RPUSD4: variants seen among roughly 807,000 people sequenced by gnomAD.
RPUSD4 encodes RNA pseudouridine synthase D4, also known as pseudouridylate synthase RPUSD4, mitochondrial.
Under a neutral mutation model 35.4 loss-of-function variants are expected in RPUSD4, and 37 were observed. That is an observed-to-expected ratio of 1.04 (90% CI 0.80 to 1.37). The LOEUF (loss-of-function observed/expected upper bound fraction) is 1.37. Ranked by LOEUF, RPUSD4 falls within the 40% of genes most tolerant of loss-of-function variation. The pLI, the probability that RPUSD4 is intolerant of heterozygous loss-of-function variation, is 0.00. For missense variants in RPUSD4, 507 were observed against 484.9 expected (o/e 1.05, Z -0.43); for synonymous variants, 210 against 192.7 (o/e 1.09, Z -0.74).
intron 1 of RPUSD4, 74 bp downstream of exon 1, chr11:126,211,376 C>G (rs1481668877): frequency 2.0e-6 from 3 of 1,469,930 alleles, no homozygotes; most frequent in Non-Finnish European, 2.8e-6. Flanking sequence ...CTCAGAGGAC[C>G]CTCCTACCTA....
intron 6 of RPUSD4, among the ~76,000 whole-genome samples, 170 bp from the exon 7 acceptor site, chr11:126,203,827 T>C (rs1340307993): frequency 2.0e-5 from 3 of 152,008 alleles, no homozygotes; most frequent in African/African-American, 7.3e-5. Flanking sequence ...AGAACTCAGG[T>C]AAGGGAAAAA....
intron 2 of RPUSD4, among the ~76,000 whole-genome samples, chr11:126,210,520 T>TACATACATACACACACACACCC (rs746246254): frequency 1.7e-5 from 1 of 60,254 alleles, no homozygotes. Flanking sequence ...CCAACATACA[T>TACATACATACACACACACACCC]ACACACACAC....
chr11:126,205,678 G>A lies in RPUSD4; in HGVS notation c.651+10C>T. On this transcript the variant is annotated intron_variant, in intron 4 of 6. Coordinates refer to ENST00000298317, the MANE Select transcript of RPUSD4 (RefSeq NM_032795.3). Reference sequence around the variant, plus strand: ...CAGCAACCCATGCCTCAGGGAGGCTGCTCGCTCACCTTGTGGTGTTGCTGC... The same window carrying A: ...CAGCAACCCATGCCTCAGGGAGGCTACTCGCTCACCTTGTGGTGTTGCTGC... 1 of 1,612,840 alleles carries A rather than the reference G, an allele frequency of 6.2e-7. No individual in the cohort carries two copies. The highest frequency in any genetic ancestry group is 8.5e-7 in the Non-Finnish European group (1 of 1,178,964).
intron 1 of RPUSD4, 34 bp downstream of exon 1, chr11:126,211,416 T>A: frequency 1.9e-6 from 3 of 1,564,106 alleles, no homozygotes; most frequent in Non-Finnish European, 2.6e-6. Context: ...ATGAGCGCAC[T>A]GCCTCTAGGG....
intron 3 of RPUSD4, chr11:126,206,375 A>C (rs1486080670): frequency 6.6e-6 from 1 of 152,120 alleles, no homozygotes; most frequent in Admixed American, 6.6e-5. Flanking sequence ...AACATGGTGA[A>C]ACCCCATCTC....
At chr11:126,207,317 A>G (rs900328234) in intron 3 of RPUSD4, among the ~76,000 whole-genome samples, 1 of 152,184 alleles carries the variant, frequency 6.6e-6, no homozygotes, top group Non-Finnish European at 1.5e-5. Context: ...AAATTCCTCC[A>G]TTCTCCATAA....
intron 2 of RPUSD4, among the ~76,000 whole-genome samples, 158 bp from the exon 3 acceptor site, chr11:126,209,880 G>C (rs1245633842): frequency 6.6e-6 from 1 of 152,178 alleles, no homozygotes; most frequent in African/African-American, 2.4e-5. Flanking sequence ...CATGTCTAGG[G>C]AGCTTATTAG....
intron 3 of RPUSD4, chr11:126,209,304 TTAA>T (rs1440361877): frequency 3.8e-6 from 2 of 525,682 alleles, no homozygotes; most frequent in Non-Finnish European, 6.7e-6. Context: ...GCTTGTATAA[TTAA>T]TTTTTGATAA....
intron 3 of RPUSD4, chr11:126,208,768 C>T (rs1565318113): frequency 1.3e-5 from 2 of 152,168 alleles, no homozygotes; most frequent in Non-Finnish European, 2.9e-5. Flanking sequence ...CACGCGTATA[C>T]TGCGTACGCC....
At chr11:126,209,768 C>T (rs1204578154) in intron 2 of RPUSD4, 46 bp from the exon 3 acceptor site, 2 of 1,509,540 alleles carry the variant, frequency 1.3e-6, no homozygotes, top group South Asian at 1.1e-5. Flanking sequence ...GAAAAGATCT[C>T]GCCAAAGAAC....
Position 126,203,522 on chromosome 11 carries a change from T to C in RPUSD4, c.1030A>G (p.Lys344Glu). Residue 344 changes from lysine to glutamate, a missense_variant, in exon 7 of 7, where the codon AAA becomes GAA. Lys to Glu is a moderately conservative substitution (Grantham distance 56, BLOSUM62 1). Coordinates refer to ENST00000298317, the MANE Select transcript of RPUSD4 (RefSeq NM_032795.3). The part of the protein sequence containing the change: ...SGKEELNLVC[K>E]LPRFFVHSLH... ...GAATGCACAAAGAAGCGAGGAAGTTTGCAGACCAAGTTGAGTTCCTCCTTC... is the reference window on the plus strand; with the variant it reads ...GAATGCACAAAGAAGCGAGGAAGTTCGCAGACCAAGTTGAGTTCCTCCTTC... The C allele has an allele frequency of 6.2e-7, 1 of 1,614,212 alleles. No homozygotes were observed. Among genetic ancestry groups the C allele is most frequent in the South Asian group, 1.1e-5 (1 of 91,084 alleles).
Position 126,202,161 on chromosome 11 carries a change from A to C in RPUSD4, c.*1257T>G, listed in dbSNP as rs1949719031. On this transcript the variant is annotated 3_prime_UTR_variant, in exon 7 of 7. Transcript: ENST00000298317. ...ACCATGGAGACAGGGAAAGGGCTAGAAAGTGGCATCATCTATACAGAGGGA... is the reference window on the plus strand; with the variant it reads ...ACCATGGAGACAGGGAAAGGGCTAGCAAGTGGCATCATCTATACAGAGGGA... 2.0e-5 allele frequency: 3 copies of C among 152,266 alleles called. No homozygotes were observed. Among genetic ancestry groups the C allele is most frequent in the Non-Finnish European group, 4.4e-5 (3 of 68,050 alleles). 9.4% of individuals were successfully genotyped at this position (152,266 alleles called of 1,614,324 possible).
intron 3 of RPUSD4, 92 bp from the exon 4 acceptor site, chr11:126,205,873 G>T: frequency 1.2e-6 from 1 of 868,642 alleles, no homozygotes; most frequent in Non-Finnish European, 1.7e-6. Context: ...TGGACCTTCT[G>T]CACTAACATG....
chr11:126,202,731 T>G lies in RPUSD4; in HGVS notation c.*687A>C, dbSNP rs1949725993. Reference sequence around the variant, plus strand: ...TAGGTTTCCAGCTTCTCTGAAGAAATGAGAAAATCCATTCCCACATGGCAA... The same window carrying G: ...TAGGTTTCCAGCTTCTCTGAAGAAAGGAGAAAATCCATTCCCACATGGCAA... On this transcript the variant is annotated 3_prime_UTR_variant, in exon 7 of 7. Coordinates refer to ENST00000298317, the MANE Select transcript of RPUSD4 (RefSeq NM_032795.3). 1 of 152,202 alleles carries G rather than the reference T, an allele frequency of 6.6e-6. No homozygotes were observed. Among genetic ancestry groups the G allele is most frequent in the African/African-American group, 2.4e-5 (1 of 41,446 alleles). 9.4% of individuals were successfully genotyped at this position (152,202 alleles called of 1,614,324 possible).
At chr11:126,211,155 T>C (rs1484715710) in intron 1 of RPUSD4, 100 bp from the exon 2 acceptor site, 13 of 1,390,572 alleles carry the variant, frequency 9.3e-6, no homozygotes, top group Middle Eastern at 2.6e-4. Flanking sequence ...GGAATGACTA[T>C]CTTTGCATCA....
At position 126,211,622 on chromosome 11, in the gene RPUSD4, C is replaced by T. The variant is rs1391797383; in HGVS notation, c.17G>A (p.Trp6Ter). 6.2e-7 allele frequency: 1 copy of T among 1,613,134 alleles called. No individual in the cohort carries two copies. The highest frequency in any genetic ancestry group is 8.5e-7 in the Non-Finnish European group (1 of 1,179,776). The change falls in exon 1 of 7, where the codon TGG becomes TAG. Residue 6 changes from tryptophan (W) to a stop codon, truncating the protein, a stop_gained. Transcript: ENST00000298317. LOFTEE classifies it high-confidence loss of function. The part of the protein sequence containing the change: MAAPR[W>*]SASGPWIRGN... ...CCGGATCCAGGGGCCCGACGCGCTC[C>T]ACCTGGGCGCCGCCATCTTACAAGG...
chr11:126,203,648 C>A lies in RPUSD4; in HGVS notation c.904G>T (p.Val302Leu). Residue 302 changes from valine (V) to leucine (L), a missense_variant, in exon 7 of 7, where the codon GTG (valine) becomes TTG (leucine). Transcript: ENST00000298317. Reference sequence around the variant, plus strand: ...AGCCCCAGCTTCTTCAGGGTGCCCACAGACAGCTTCTATACAAAGAAAGGA... The same window carrying A: ...AGCCCCAGCTTCTTCAGGGTGCCCAAAGACAGCTTCTATACAAAGAAAGGA... The part of the protein sequence containing the change: ...WNRLAPQKLS[V>L]GTLKKLGLEQ... 1.9e-6 allele frequency: 3 copies of A among 1,612,472 alleles called. No homozygotes were observed. The South Asian group carries it at 3.3e-5, about 18-fold the overall frequency.
intron 3 of RPUSD4, 190 bp from the exon 4 acceptor site, chr11:126,205,971 T>C (rs1414394397): frequency 1.5e-5 from 7 of 474,246 alleles, no homozygotes; most frequent in Non-Finnish European, 2.2e-5. Context: ...CTTATCTTTT[T>C]TACTACTAAA....
chr11:126,208,973 A>G (rs1363690406), intron 3 of RPUSD4: 1 of 152,216 alleles, frequency 6.6e-6, no homozygotes, highest in Non-Finnish European at 1.5e-5. Context: ...ATAAAATCAT[A>G]TATTACTTGT....
Sources: gnomAD v4.1 joint callset for allele counts (sites outside exome capture counted in the v4.1 genomes callset) on GRCh38, gnomAD v4.1.1 for gene constraint, MANE v1.5 for transcripts, NCBI Gene and HGNC (gene_info 2026-07-23, HGNC 2026-07-21) for gene names.